The following AFF3 variants were observed in gnomAD, a reference collection of about 807,000 sequenced individuals.
AFF3 encodes the protein ALF transcription elongation factor 3, also known as AF4/FMR2 family member 3.
In AFF3, 32 loss-of-function variants were observed where a neutral mutation model predicts 129.7. That is an observed-to-expected ratio of 0.25 (90% CI 0.19 to 0.33). The LOEUF is 0.33. Among genes scored for constraint, AFF3 ranks in the 10% least tolerant of loss-of-function variants. The probability of loss-of-function intolerance (pLI) is 1.00; values close to 1 mark genes in which losing one functional copy is unlikely to be tolerated. For missense variants in AFF3, 1,373 were observed against 1,592.0 expected, an observed-to-expected ratio of 0.86 and a Z score of 2.34; for synonymous variants, 644 against 635.4, an observed-to-expected ratio of 1.01 and a Z score of -0.20.
At chr2:99,947,637 T>TAGACAGACAGACAGACAGAC (rs1229518187) in intron 7 of AFF3, among the ~76,000 whole-genome samples, 2 of 143,538 alleles carry the variant, frequency 1.4e-5, no homozygotes, top group African/African-American at 5.3e-5. Flanking sequence ...GATAGATAGA[T>TAGACAGACAGACAGACAGAC]AGATAGATAG....
At chr2:99,568,393 C>G (rs189723582) in intron 19 of AFF3, among the ~76,000 whole-genome samples, 2 of 152,252 alleles carry the variant, frequency 1.3e-5, no homozygotes, top group East Asian at 3.9e-4. Context: ...TAGAGTCTTA[C>G]GTGCAGATAA....
intron 8 of AFF3, among the ~76,000 whole-genome samples, chr2:99,758,868 C>G (rs749493760): frequency 6.6e-6 from 1 of 152,118 alleles, no homozygotes; most frequent in Non-Finnish European, 1.5e-5. Context: ...ATTTGTTTTC[C>G]AATCTATTGA....
chr2:99,910,836 T>A (rs1165795597), intron 7 of AFF3, among the ~76,000 whole-genome samples: 1 of 152,264 alleles, frequency 6.6e-6, no homozygotes, highest in African/African-American at 2.4e-5. Flanking sequence ...CTAAGATATA[T>A]GTGATCATTT....
intron 13 of AFF3, among the ~76,000 whole-genome samples, chr2:99,622,696 T>A (rs1036974820): frequency 6.6e-6 from 1 of 152,152 alleles, no homozygotes; most frequent in Non-Finnish European, 1.5e-5. Flanking sequence ...CAGCCCAGCC[T>A]GATTGGATGG....
chr2:100,023,597 C>T lies in AFF3; in HGVS notation c.54-14665G>A, dbSNP rs188414275. On this transcript the variant is annotated intron_variant, in intron 4 of 24. Coordinates refer to ENST00000672756, the MANE Select transcript of AFF3 (RefSeq NM_001386135.1). Reference sequence around the variant, plus strand: ...TTCCTATCACTGAACGCATAGTTTCCAAGGAGCCCCCTCTACCTCCAAAGA... The same window carrying T: ...TTCCTATCACTGAACGCATAGTTTCTAAGGAGCCCCCTCTACCTCCAAAGA... 2.2e-3 allele frequency among the ~76,000 whole-genome samples: 341 copies of T among 152,116 alleles called. 1 individual carries two copies. Among genetic ancestry groups the T allele is most frequent in the South Asian group, 6.4e-3 (31 of 4,814 alleles).
intron 11 of AFF3, among the ~76,000 whole-genome samples, chr2:99,722,130 C>A (rs1035882992): frequency 8.5e-5 from 13 of 152,134 alleles, no homozygotes; most frequent in African/African-American, 3.1e-4. Flanking sequence ...TGCTGAGATT[C>A]TCCTTCTTTT....
At chr2:99,855,814 T>C (rs1234592597) in intron 7 of AFF3, among the ~76,000 whole-genome samples, 1 of 151,952 alleles carries the variant, frequency 6.6e-6, no homozygotes, top group Non-Finnish European at 1.5e-5. Context: ...AATTCTGGAG[T>C]GGAGAAACCT....
At chr2:100,029,590 G>A (rs1684319292) in intron 4 of AFF3, among the ~76,000 whole-genome samples, 1 of 152,174 alleles carries the variant, frequency 6.6e-6, no homozygotes, top group African/African-American at 2.4e-5. Flanking sequence ...GATTCCACTG[G>A]CAAGAGGAAC....
intron 11 of AFF3, among the ~76,000 whole-genome samples, chr2:99,719,303 T>C (rs1210136515): frequency 2.6e-5 from 4 of 152,142 alleles, no homozygotes; most frequent in Non-Finnish European, 5.9e-5. Context: ...TCCTGCTTAG[T>C]CATAGTGAAT....
At chr2:100,103,546 T>G (rs1690922376) in intron 4 of AFF3, among the ~76,000 whole-genome samples, 1 of 149,548 alleles carries the variant, frequency 6.7e-6, no homozygotes, top group African/African-American at 2.5e-5. Context: ...GAAGGGGGAA[T>G]AAGACAGATA....
At chr2:99,623,840 G>A (rs1682291681) in intron 13 of AFF3, among the ~76,000 whole-genome samples, 1 of 152,238 alleles carries the variant, frequency 6.6e-6, no homozygotes, top group Non-Finnish European at 1.5e-5. Flanking sequence ...GCAAGGCCAG[G>A]TGGGGCCAGG....
intron 7 of AFF3, among the ~76,000 whole-genome samples, chr2:99,880,038 T>C (rs1395759022): frequency 1.3e-5 from 2 of 152,248 alleles, no homozygotes; most frequent in Non-Finnish European, 2.9e-5. Flanking sequence ...CTGGATTCCC[T>C]GTAGAATATC....
chr2:100,026,477 G>C (rs949022141), intron 4 of AFF3, among the ~76,000 whole-genome samples: 3 of 152,106 alleles, frequency 2.0e-5, no homozygotes. Flanking sequence ...AGCCACTATA[G>C]AAAACAGTGT....
At chr2:99,664,139 T>C (rs1312690252) in intron 12 of AFF3, among the ~76,000 whole-genome samples, 2 of 152,236 alleles carry the variant, frequency 1.3e-5, no homozygotes, top group African/African-American at 4.8e-5. Flanking sequence ...AACCAACAGT[T>C]ACAGAAAGGA....
intron 8 of AFF3, among the ~76,000 whole-genome samples, chr2:99,779,281 G>A (rs927751374): frequency 1.3e-5 from 2 of 152,248 alleles, no homozygotes; most frequent in Admixed American, 6.5e-5. Flanking sequence ...TATCTATTGA[G>A]ATGGCCATGT....
chr2:99,934,117 T>C (rs1213862336), intron 7 of AFF3, among the ~76,000 whole-genome samples: 2 of 152,176 alleles, frequency 1.3e-5, no homozygotes, highest in Non-Finnish European at 2.9e-5. Context: ...AGGTGAGGAA[T>C]AGAAAGCCTT....
Position 99,649,747 on chromosome 2 carries a change from A to T in AFF3, c.1144-81T>A. 3 of 1,509,712 alleles carry T rather than the reference A, an allele frequency of 2.0e-6. No homozygotes were observed. In the Admixed American group the frequency reaches 5.3e-5, roughly 27 times the overall value. The allele number at this position is 1,509,712 out of a possible 1,614,324, so 93.5% of individuals were successfully genotyped here. ...TGCTCAATGAACACTTAAAAAAAAG[A>T]CCCCTGCATTACACACATTTTTGCC... On this transcript the variant is annotated intron_variant, in intron 12 of 24. Coordinates refer to ENST00000672756, the MANE Select transcript of AFF3 (RefSeq NM_001386135.1).
intron 11 of AFF3, among the ~76,000 whole-genome samples, chr2:99,725,169 TTCAGCA>T (rs1679264260): frequency 6.6e-6 from 1 of 151,296 alleles, no homozygotes; most frequent in South Asian, 2.1e-4. Context: ...GAGATGGGGT[TTCAGCA>T]TGATGGTCAG....
At chr2:99,609,632 T>C (rs1045307564) in intron 13 of AFF3, among the ~76,000 whole-genome samples, 10 of 152,262 alleles carry the variant, frequency 6.6e-5, no homozygotes, top group East Asian at 1.9e-4. Context: ...CACTTGTTGA[T>C]TGATGGATCA....
Sources: allele counts gnomAD v4.1 joint callset (sites outside exome capture counted in the v4.1 genomes callset), GRCh38; gene constraint gnomAD v4.1.1; transcripts MANE v1.5; gene names NCBI Gene and HGNC (gene_info 2026-07-23, HGNC 2026-07-21).